The following ZGRF1 variants were observed in gnomAD, a reference collection of about 807,000 sequenced individuals.
ZGRF1 encodes the protein 5'-3' DNA helicase ZGRF1.
Under a neutral mutation model 203.5 loss-of-function variants are expected in ZGRF1, and 196 were observed. That is an observed-to-expected ratio of 0.96 (90% CI 0.86 to 1.08). The LOEUF is 1.08. Among genes scored for constraint, ZGRF1 ranks in the 50% least tolerant of loss-of-function variants. The pLI is 0.00. For missense variants in ZGRF1, 2,326 were observed against 2,416.3 expected, an observed-to-expected ratio of 0.96 and a Z score of 0.78; for synonymous variants, 809 against 841.3, an observed-to-expected ratio of 0.96 and a Z score of 0.66.
At chr4:112,549,465 C>T (rs1739481276) in intron 22 of ZGRF1, among the ~76,000 whole-genome samples, 1 of 152,172 alleles carries the variant, frequency 6.6e-6, no homozygotes, top group African/African-American at 2.4e-5. Context: ...CATATACAGT[C>T]ATGTGCCACA....
At position 112,539,360 on chromosome 4, in the gene ZGRF1, T is replaced by C. The variant is rs1014601921; in HGVS notation, c.*187A>G. ...ATTCTTCTTAGAAAAAAGCTTATTT[T>C]TATTAGTAGGATTTTATACTACCTT... On this transcript the variant is annotated 3_prime_UTR_variant, in exon 28 of 28. Coordinates refer to ENST00000505019, the MANE Select transcript of ZGRF1 (RefSeq NM_018392.5). 46 of 396,602 alleles carry C rather than the reference T, an allele frequency of 1.2e-4. No homozygotes were observed. The highest frequency in any genetic ancestry group is 1.8e-4 in the Non-Finnish European group (42 of 227,810). 24.6% of individuals were successfully genotyped at this position (396,602 alleles called of 1,614,324 possible).
chr4:112,625,598 A>G (rs557362170), intron 3 of ZGRF1, among the ~76,000 whole-genome samples: 2 of 149,230 alleles, frequency 1.3e-5, no homozygotes, highest in East Asian at 4.0e-4. Context: ...AAAAAAAAAA[A>G]AAAGAAAAGA....
At chr4:112,631,904 C>G in intron 3 of ZGRF1, 26 bp downstream of exon 3, 1 of 1,368,136 alleles carries the variant, frequency 7.3e-7, no homozygotes, top group Non-Finnish European at 1.0e-6. Context: ...GCTCTTGCAC[C>G]CTATAGTCAA....
At chr4:112,593,841 ACAGCCTTAACCTCC>A (rs1748560704) in intron 10 of ZGRF1, among the ~76,000 whole-genome samples, 1 of 152,074 alleles carries the variant, frequency 6.6e-6, no homozygotes, top group African/African-American at 2.4e-5. Flanking sequence ...ACAGCTCACT[ACAGCCTTAACCTCC>A]CAGGATCAAT....
At chr4:112,591,513 G>A (rs1748154722) in intron 10 of ZGRF1, among the ~76,000 whole-genome samples, 1 of 152,060 alleles carries the variant, frequency 6.6e-6, no homozygotes, top group African/African-American at 2.4e-5. Context: ...TAAAGTATGA[G>A]GCAGCTCTTA....
intron 16 of ZGRF1, among the ~76,000 whole-genome samples, chr4:112,568,032 A>G (rs555335326): frequency 6.6e-6 from 1 of 152,220 alleles, no homozygotes; most frequent in African/African-American, 2.4e-5. Flanking sequence ...ACATTTGAGG[A>G]ATCAATAGCC....
chr4:112,625,659 G>A (rs2047216968), intron 3 of ZGRF1, among the ~76,000 whole-genome samples: 1 of 151,170 alleles, frequency 6.6e-6, no homozygotes, highest in Admixed American at 6.6e-5. Flanking sequence ...CACTTTGGGA[G>A]GCTGAGGCGG....
chr4:112,612,704 C>A lies in ZGRF1; in HGVS notation c.2603-116G>T, dbSNP rs565036140. Reference sequence around the variant, plus strand: ...AACTTAAATTTTAAGATCAGACAATCTTGGTAATTGTTCAATCTGGAATGT... The same window carrying A: ...AACTTAAATTTTAAGATCAGACAATATTGGTAATTGTTCAATCTGGAATGT... On this transcript the variant is annotated intron_variant, in intron 6 of 27. Coordinates refer to ENST00000505019, the MANE Select transcript of ZGRF1 (RefSeq NM_018392.5). The A allele has an allele frequency of 4.7e-5, 29 of 612,528 alleles. No individual in the cohort carries two copies. In the South Asian group the frequency reaches 6.5e-4, roughly 14 times the overall value. 37.9% of individuals were successfully genotyped at this position (612,528 alleles called of 1,614,324 possible).
intron 16 of ZGRF1, among the ~76,000 whole-genome samples, chr4:112,576,585 G>C (rs1745273396): frequency 6.6e-6 from 1 of 152,138 alleles, no homozygotes; most frequent in Admixed American, 6.5e-5. Flanking sequence ...GTCCTTAAAG[G>C]ACCTGATGGA....
At chr4:112,629,492 GAA>G (rs1281646902) in intron 3 of ZGRF1, among the ~76,000 whole-genome samples, 1 of 152,032 alleles carries the variant, frequency 6.6e-6, no homozygotes, top group Non-Finnish European at 1.5e-5. Context: ...CCAACATGGT[GAA>G]ACCCTGTCTC....
intron 14 of ZGRF1, among the ~76,000 whole-genome samples, chr4:112,584,580 T>C (rs961362782): frequency 1.3e-5 from 2 of 152,306 alleles, no homozygotes; most frequent in Admixed American, 6.5e-5. Context: ...AAAACTCAGA[T>C]GATACATTTT....
At chr4:112,570,353 C>A (rs1743978768) in intron 16 of ZGRF1, among the ~76,000 whole-genome samples, 1 of 152,148 alleles carries the variant, frequency 6.6e-6, no homozygotes, top group South Asian at 2.1e-4. Context: ...CTTTGGGAGG[C>A]TGAAGAGGGC....
At chr4:112,620,907 C>T (rs2047040852) in intron 4 of ZGRF1, among the ~76,000 whole-genome samples, 1 of 151,530 alleles carries the variant, frequency 6.6e-6, no homozygotes, top group South Asian at 2.1e-4. Context: ...TGGCATGTTC[C>T]TACAGTCTCA....
At chr4:112,628,265 T>A (rs1375269624) in intron 3 of ZGRF1, among the ~76,000 whole-genome samples, 1 of 152,228 alleles carries the variant, frequency 6.6e-6, no homozygotes, top group Non-Finnish European at 1.5e-5. Flanking sequence ...TTACTTATTT[T>A]AATCCTTAAG....
Position 112,553,934 on chromosome 4 carries a change from A to G in ZGRF1, c.5247T>C (p.His1749=), listed in dbSNP as rs1740450962. 1.2e-6 allele frequency: 2 copies of G among 1,613,072 alleles called. No individual in the cohort carries two copies. Among genetic ancestry groups the G allele is most frequent in the East Asian group, 4.5e-5 (2 of 44,834 alleles). ...GAGTCAGGTCTTCTTTCATTAGTGC[A>G]TGTAGTTCTTTTAACTGTTCACTTT... is the stretch of plus-strand genomic sequence containing the variant. The part of the protein sequence containing the change: ...ENESEQLKEL[H]ALMKEDLTPT... The change falls in exon 22 of 28, where the codon CAT becomes CAC. Residue 1749 remains histidine, a synonymous_variant. Transcript: ENST00000505019.
chr4:112,580,841 T>C lies in ZGRF1; in HGVS notation c.4438+822A>G, dbSNP rs561776248. Among the ~76,000 whole-genome samples, 1,251 of 152,206 alleles carry C rather than the reference T, an allele frequency of 8.2e-3. 22 individuals are homozygous for C. Among genetic ancestry groups the C allele is most frequent in the Non-Finnish European group, 0.012 (784 of 68,006 alleles). ...TTACACTGTTGGTGGGACTGTAAACTAGTTCAACCATTGTGGAAGTCAGTG... is the reference window on the plus strand; with the variant it reads ...TTACACTGTTGGTGGGACTGTAAACCAGTTCAACCATTGTGGAAGTCAGTG... On this transcript the variant is annotated intron_variant, in intron 16 of 27. Transcript: ENST00000505019.
intron 10 of ZGRF1, among the ~76,000 whole-genome samples, chr4:112,592,434 C>A (rs576394641): frequency 6.6e-6 from 1 of 152,242 alleles, no homozygotes; most frequent in South Asian, 2.1e-4. Flanking sequence ...CTAATTCTTA[C>A]CCTATTTCAT....
At chr4:112,554,658 T>C (rs1433153169) in intron 21 of ZGRF1, 47 bp downstream of exon 21, 15 of 909,368 alleles carry the variant, frequency 1.6e-5, no homozygotes, top group Non-Finnish European at 2.6e-5. Context: ...AAAAGTACCA[T>C]ACTTCCCTCT....
rs1397529599 is a variant in ZGRF1 at position 112,586,568 on chromosome 4, C to T, written c.3793G>A (p.Glu1265Lys). 1.2e-6 allele frequency: 2 copies of T among 1,609,870 alleles called. No homozygotes were observed. Among genetic ancestry groups the T allele is most frequent in the South Asian group, 2.2e-5 (2 of 90,498 alleles). ...VKDLQEISGS[E>K]LCFPSGQKIK... ...TTCTGCCCACTTGGAAAGCACAGCT[C>T]AGAGCCACTTATCTCCTGCAATGGA... is the stretch of plus-strand genomic sequence containing the variant. The change falls in exon 13 of 28, where the codon GAG becomes AAG. Residue 1265 changes from glutamate to lysine, a missense_variant. Transcript: ENST00000505019.
Sources: allele counts gnomAD v4.1 joint callset (sites outside exome capture counted in the v4.1 genomes callset), GRCh38; gene constraint gnomAD v4.1.1; transcripts MANE v1.5; gene names NCBI Gene and HGNC (gene_info 2026-07-23, HGNC 2026-07-21).